Variants in SHANK1 observed in about 807,000 individuals in gnomAD.
SHANK1 encodes the protein SH3 and multiple ankyrin repeat domains 1.
A neutral mutation model predicts 165.6 loss-of-function variants in SHANK1; 35 were observed. The ratio of observed to expected loss-of-function variants is 0.21; its 90% CI spans 0.16 to 0.28. The LOEUF (loss-of-function observed/expected upper bound fraction) is 0.28, where lower values mean the gene tolerates loss of function less well. Ranked by LOEUF, SHANK1 falls within the 10% of genes least tolerant of loss-of-function variation. The probability of loss-of-function intolerance (pLI) is 1.00; values close to 1 mark genes in which losing one functional copy is unlikely to be tolerated. For synonymous variants in SHANK1, 1,428 were observed against 1,384.8 expected (o/e 1.03, Z -0.69); for missense variants, 2,681 against 3,036.4 (o/e 0.88, Z 2.75).
intron 12 of SHANK1, among the ~76,000 whole-genome samples, chr19:50,700,090 ATCGGGGCATTGGGGGATTGGAGGGC>A (rs1435335053): frequency 5.3e-4 from 22 of 41,810 alleles, no homozygotes; most frequent in African/African-American, 1.7e-3. Flanking sequence ...GATTGGAGGG[ATCGGGGCATTGGGGGATTGGAGGGC>A]TCGGGGCATT....
In SHANK1 at chr19:50,668,736, C is replaced by T; in HGVS notation, c.3224G>A (p.Gly1075Asp). 7.8e-7 allele frequency: 1 copy of T among 1,274,522 alleles called. No individual in the cohort carries two copies. Among genetic ancestry groups the T allele is most frequent in the Non-Finnish European group, 9.8e-7 (1 of 1,016,730 alleles). The allele number at this position is 1,274,522 out of a possible 1,614,324, so 79.0% of individuals were successfully genotyped here. A position where few individuals can be genotyped will look rare whatever the true frequency, so the allele number is the denominator to read the frequency against. Residue 1075 changes from glycine to aspartate, a missense_variant, in exon 23 of 24, where the codon GGC becomes GAC. Around this residue, in one of 10 missense-constraint regions of SHANK1, gnomAD observed 1,713 missense variants for 1,630.2 expected, o/e 1.05. Coordinates refer to ENST00000293441, the MANE Select transcript of SHANK1 (RefSeq NM_016148.5). ...SHHGSAGGGG[G>D]SSQGPALRYF... The stretch of plus-strand genomic sequence containing the variant: ...GCGTAGAGCCGGGCCCTGGGAGGAG[C>T]CGCCGCCCCCGCCCGCGCTGCCGTG...
At position 50,672,094 on chromosome 19, in the gene SHANK1, G is replaced by T. The variant is rs1985813335; in HGVS notation, c.2598C>A (p.His866Gln). ...GACGCTCGTAACTTGGCTGGGCACG[G>T]TGGTGGGGATCGAAGCTCGACTTTG... is the stretch of plus-strand genomic sequence containing the variant. The part of the protein sequence containing the change: ...FATESSFDPH[H>Q]RAQPSYERPS... The change falls in exon 22 of 24, where the codon CAC becomes CAA. Residue 866 changes from histidine to glutamine, a missense_variant. Physicochemically the swap from His to Gln is conservative, Grantham distance 24. Around this residue, in one of 10 missense-constraint regions of SHANK1, gnomAD observed 206 missense variants for 216.0 expected, o/e 0.95. Transcript: ENST00000293441. The T allele has an allele frequency of 1.3e-5, 21 of 1,613,882 alleles. No homozygotes were observed. The highest frequency in any genetic ancestry group is 1.8e-5 in the Non-Finnish European group (21 of 1,179,926).
At chr19:50,674,648 C>T (rs573468474) in intron 21 of SHANK1, among the ~76,000 whole-genome samples, 17 of 152,160 alleles carry the variant, frequency 1.1e-4, no homozygotes, top group Non-Finnish European at 2.5e-4. Context: ...TTCAACTGTA[C>T]ATTTCAGGCC....
Position 50,666,925 on chromosome 19 carries a change from C to A in SHANK1, c.5035G>T (p.Asp1679Tyr). Residue 1679 changes from aspartate to tyrosine, a missense_variant, in exon 23 of 24, where the codon GAC becomes TAC. Around this residue, in one of 10 missense-constraint regions of SHANK1, gnomAD observed 1,713 missense variants for 1,630.2 expected, o/e 1.05. Transcript: ENST00000293441. ...PGTDSGIEEV[D>Y]SRSSSDHPLE... is the part of the protein sequence containing the mutation. ...GGGTGGTCACTGCTGCTCCGACTGTCCACCTCCTCGATGCCAGAATCCGTG... is the reference window on the plus strand; with the variant it reads ...GGGTGGTCACTGCTGCTCCGACTGTACACCTCCTCGATGCCAGAATCCGTG... 1 of 1,601,596 alleles carries A rather than the reference C, an allele frequency of 6.2e-7. No homozygotes were observed. The highest frequency in any genetic ancestry group is 8.5e-7 in the Non-Finnish European group (1 of 1,174,662).
chr19:50,712,560 A>G (rs1450837990), intron 6 of SHANK1, among the ~76,000 whole-genome samples: 1 of 152,236 alleles, frequency 6.6e-6, no homozygotes, highest in East Asian at 1.9e-4. Flanking sequence ...CACAGCAGGA[A>G]GCCAGGGGAC....
In SHANK1 at chr19:50,686,333, G is replaced by A. The variant is rs199914957; in HGVS notation, c.2481C>T (p.Ala827=). Residue 827 remains alanine, a synonymous_variant, in exon 21 of 24, where the codon GCC becomes GCT. Transcript: ENST00000293441. The surrounding 1 kb of genome is among the most constrained non-coding windows in gnomAD (Gnocchi z 5.7). ...TTGCACTGATGGTCTGTTGAGCTGC[G>A]GCCAGGATTTCGTCCAGTTTGTCTA... is the stretch of plus-strand genomic sequence containing the variant. The part of the protein sequence containing the change: ...MALNKLDEIL[A]AAQQTISASE... The A allele has an allele frequency of 2.4e-5, 39 of 1,601,822 alleles. No individual in the cohort carries two copies. In the Admixed American group the frequency reaches 2.8e-4, roughly 11 times the overall value.
In SHANK1 at chr19:50,702,638, C is replaced by A. The variant is rs748697913; in HGVS notation, c.1576G>T (p.Gly526Trp). Residue 526 changes from glycine (G) to tryptophan (W), a missense_variant, in exon 12 of 24, where the codon GGG becomes TGG. Gly to Trp is a radical substitution (Grantham distance 184). Around this residue, in one of 10 missense-constraint regions of SHANK1, gnomAD observed 195 missense variants for 186.2 expected, o/e 1.05. Coordinates refer to ENST00000293441, the MANE Select transcript of SHANK1 (RefSeq NM_016148.5). The surrounding 1 kb of genome is among the most constrained non-coding windows in gnomAD (Gnocchi z 5.3). ...GAGCCCCCCGTGCCCCCGGCTGGCC[C>A]TTCCCGGGGTGTCCCGCTGGAGCTG... ...RPSSSGTPRE[G>W]PAGGTGGSGG... The A allele has an allele frequency of 7.0e-6, 11 of 1,577,660 alleles. No homozygotes were observed. The East Asian group carries it at 1.9e-4, about 27-fold the overall frequency.
rs928268736 is a variant in SHANK1 at position 50,718,387 on chromosome 19, G to A, written c.-44+1019C>T. On this transcript the variant is annotated intron_variant, in intron 1 of 23. Coordinates refer to ENST00000293441, the MANE Select transcript of SHANK1 (RefSeq NM_016148.5). The surrounding 1 kb of genome is among the most constrained non-coding windows in gnomAD (Gnocchi z 5.1). The stretch of plus-strand genomic sequence containing the variant: ...CAGACACTCCCCCTCGGCTGACCCT[G>A]GCTGACCCCCAGCCTCAACCCCGCT... 3.5e-4 allele frequency among the ~76,000 whole-genome samples: 54 copies of A among 152,268 alleles called. No individual in the cohort carries two copies. Among genetic ancestry groups the A allele is most frequent in the Non-Finnish European group, 6.3e-4 (43 of 68,006 alleles).
chr19:50,661,724 C>A lies in SHANK1; in HGVS notation c.*241G>T, dbSNP rs117571695. On this transcript the variant is annotated 3_prime_UTR_variant, in exon 24 of 24. Coordinates refer to ENST00000293441, the MANE Select transcript of SHANK1 (RefSeq NM_016148.5). ...CCCCTCTGTAATTTCTCCTATCCCCCCTCCGCTCCCCGCTTCACACACACA... is the reference window on the plus strand; with the variant it reads ...CCCCTCTGTAATTTCTCCTATCCCCACTCCGCTCCCCGCTTCACACACACA... 5,452 of 507,420 alleles carry A rather than the reference C, an allele frequency of 0.011. 51 individuals carry two copies. The highest frequency in any genetic ancestry group is 0.016 in the Middle Eastern group (33 of 2,004). The allele number at this position is 507,420 out of a possible 1,614,324, so 31.4% of individuals were successfully genotyped here.
chr19:50,702,767 G>T lies in SHANK1; in HGVS notation c.1554-107C>A, dbSNP rs966040389. On this transcript the variant is annotated intron_variant, in intron 11 of 23. Transcript: ENST00000293441. This position sits in a 1 kb window ranked among gnomAD's most constrained non-coding sequence, Gnocchi z 5.3. ...AAGAGGACGGTGCATCAGGGGGGAGGGGGGGTTTCCCAGCACTGGCGTCCT... is the reference window on the plus strand; with the variant it reads ...AAGAGGACGGTGCATCAGGGGGGAGTGGGGGTTTCCCAGCACTGGCGTCCT... 56 of 697,074 alleles carry T rather than the reference G, an allele frequency of 8.0e-5. No individual in the cohort carries two copies. Among genetic ancestry groups the T allele is most frequent in the Non-Finnish European group, 1.3e-4 (56 of 428,092 alleles). The allele number at this position is 697,074 out of a possible 1,614,324, so 43.2% of individuals were successfully genotyped here.
chr19:50,692,767 C>T (rs76178904), intron 15 of SHANK1, among the ~76,000 whole-genome samples: 2,325 of 151,664 alleles, frequency 0.015, 69 homozygotes, highest in African/African-American at 0.054. Context: ...TCACTCCCTA[C>T]TCCTCCATGC....
In SHANK1 at chr19:50,670,497, C is replaced by T. The variant is rs993356598; in HGVS notation, c.2675-1212G>A. Reference sequence around the variant, plus strand: ...GCAGCCAGAGGGTTTCTGTTAAAACCGAAGTCAGCTCATGTCCCTCCTCTG... The same window carrying T: ...GCAGCCAGAGGGTTTCTGTTAAAACTGAAGTCAGCTCATGTCCCTCCTCTG... On this transcript the variant is annotated intron_variant, in intron 22 of 23. Coordinates refer to ENST00000293441, the MANE Select transcript of SHANK1 (RefSeq NM_016148.5). The surrounding 1 kb of genome is among the most constrained non-coding windows in gnomAD (Gnocchi z 4.1). 1.3e-5 allele frequency among the ~76,000 whole-genome samples: 2 copies of T among 152,132 alleles called. No individual in the cohort carries two copies. Among genetic ancestry groups the T allele is most frequent in the Non-Finnish European group, 2.9e-5 (2 of 68,036 alleles).
rs1490316495 is a variant in SHANK1, at chr19:50,717,637, C to G, written c.-43-675G>C. On this transcript the variant is annotated intron_variant, in intron 1 of 23. Coordinates refer to ENST00000293441, the MANE Select transcript of SHANK1 (RefSeq NM_016148.5). This position sits in a 1 kb window ranked among gnomAD's most constrained non-coding sequence, Gnocchi z 5.5. The stretch of plus-strand genomic sequence containing the variant: ...GCCTAGGGTGTCCCCAAGGGAACCA[C>G]AAGAGGTGGCTTTTGGAGACTGGGG... Among the ~76,000 whole-genome samples the G allele has an allele frequency of 6.6e-6, 1 of 152,150 alleles. No homozygotes were observed. Among genetic ancestry groups the G allele is most frequent in the Non-Finnish European group, 1.5e-5 (1 of 68,016 alleles).
chr19:50,693,487 C>A (rs760326650), intron 15 of SHANK1, among the ~76,000 whole-genome samples: 5 of 151,878 alleles, frequency 3.3e-5, no homozygotes, highest in Non-Finnish European at 5.9e-5. Context: ...CATCCCTAAG[C>A]GACCCTGAGC....
chr19:50,669,860 C>T (rs1456700983), intron 22 of SHANK1, among the ~76,000 whole-genome samples: 1 of 152,070 alleles, frequency 6.6e-6, no homozygotes, highest in Non-Finnish European at 1.5e-5. Context: ...CTTTGAACGC[C>T]AGGAGTTGGG....
rs932191857 is a variant in SHANK1, at chr19:50,686,116, G to T, written c.2577+121C>A. ...AGGAGGAAACCCTAGGATGTGTGTC[G>T]CCCCTCCAGGACCAGCCTAAAGCAC... On this transcript the variant is annotated intron_variant, in intron 21 of 23. Coordinates refer to ENST00000293441, the MANE Select transcript of SHANK1 (RefSeq NM_016148.5). The surrounding 1 kb of genome is among the most constrained non-coding windows in gnomAD (Gnocchi z 5.7). The T allele has an allele frequency of 4.0e-6, 2 of 502,862 alleles. No individual in the cohort carries two copies. Among genetic ancestry groups the T allele is most frequent in the African/African-American group, 2.0e-5 (1 of 50,440 alleles). 31.2% of individuals were successfully genotyped at this position (502,862 alleles called of 1,614,324 possible). A position where few individuals can be genotyped will look rare whatever the true frequency, so the allele number is the denominator to read the frequency against.
rs888945281 is a variant in SHANK1 at position 50,697,333 on chromosome 19, C to T, written c.1938-211G>A. Among the ~76,000 whole-genome samples the T allele has an allele frequency of 6.6e-6, 1 of 152,176 alleles. No homozygotes were observed. Among genetic ancestry groups the T allele is most frequent in the South Asian group, 2.1e-4 (1 of 4,830 alleles). ...AGACATAAGAGCGCCCCGGCCCCCC[C>T]AGGCATCCCCACCCTGCCCTGACCA... On this transcript the variant is annotated intron_variant, in intron 14 of 23. Transcript: ENST00000293441. The surrounding 1 kb of genome is among the most constrained non-coding windows in gnomAD (Gnocchi z 4.7).
Position 50,697,638 on chromosome 19 carries a change from G to T in SHANK1, c.1888C>A (p.Leu630Ile). The T allele has an allele frequency of 6.2e-7, 1 of 1,614,040 alleles. No individual in the cohort carries two copies. The highest frequency in any genetic ancestry group is 8.5e-7 in the Non-Finnish European group (1 of 1,180,014). ...GAGCCCACGGTATAATGCCGGAAGAGTCTCTTTGCCTTGTCACTGCGGCTT... is the reference window on the plus strand; with the variant it reads ...GAGCCCACGGTATAATGCCGGAAGATTCTCTTTGCCTTGTCACTGCGGCTT... ...QESRSDKAKR[L>I]FRHYTVGSYD... is the part of the protein sequence containing the mutation. Residue 630 changes from leucine to isoleucine, a missense_variant, in exon 14 of 24, where the codon CTC (leucine) becomes ATC (isoleucine). Transcript: ENST00000293441. This position sits in a 1 kb window ranked among gnomAD's most constrained non-coding sequence, Gnocchi z 4.7.
At chr19:50,689,389 G>T in intron 15 of SHANK1, 110 bp from the exon 16 acceptor site, 1 of 806,172 alleles carries the variant, frequency 1.2e-6, no homozygotes, top group Non-Finnish European at 2.2e-6. Context: ...CTCTGCTCCA[G>T]GGCCATTAAT....
Sources: gnomAD v4.1 joint callset for allele counts (sites outside exome capture counted in the v4.1 genomes callset) on GRCh38, gnomAD v4.1.1 for gene constraint, gnomAD v4.1.1 regional missense constraint, Gnocchi (gnomAD v3.1) non-coding constraint, MANE v1.5 for transcripts, NCBI Gene and HGNC (gene_info 2026-07-23, HGNC 2026-07-21) for gene names.